The following AUTS2 variants were observed in gnomAD, a reference collection of about 807,000 sequenced individuals.
The protein encoded by AUTS2 is autism susceptibility gene 2 protein.
In AUTS2, 17 loss-of-function variants were observed where a neutral mutation model predicts 112.4. The ratio of observed to expected loss-of-function variants is 0.15; its 90% confidence interval spans 0.10 to 0.23. The LOEUF (loss-of-function observed/expected upper bound fraction) is 0.23. Ranked by LOEUF, AUTS2 falls within the 10% of genes least tolerant of loss-of-function variation. The pLI, the probability that AUTS2 is intolerant of heterozygous loss-of-function variation, is 1.00. For synonymous variants in AUTS2, 751 were observed against 702.7 expected (o/e 1.07, Z -1.09); for missense variants, 1,510 against 1,701.6 (o/e 0.89, Z 1.98).
chr7:69,759,809 A>G (rs1430633043), intron 1 of AUTS2, among the ~76,000 whole-genome samples: 3 of 102,940 alleles, frequency 2.9e-5, no homozygotes, highest in African/African-American at 1.2e-4. Flanking sequence ...ACTCATTTCA[A>G]AGATGGGCGA....
chr7:70,283,297 T>A (rs549004015), intron 4 of AUTS2, among the ~76,000 whole-genome samples: 1 of 152,342 alleles, frequency 6.6e-6, no homozygotes, highest in African/African-American at 2.4e-5. Context: ...CTGATTTATC[T>A]GTGCTTCTCT....
At chr7:70,605,137 A>G (rs1803663867) in intron 5 of AUTS2, among the ~76,000 whole-genome samples, 1 of 148,332 alleles carries the variant, frequency 6.7e-6, no homozygotes, top group Admixed American at 6.7e-5. Context: ...AGAATTCAGT[A>G]TAACATTTTC....
chr7:70,439,776 A>G lies in AUTS2; in HGVS notation c.690+3995A>G, dbSNP rs138678704. ...TTGCCAAATATTTGGCCTATATTTT[A>G]TTGTTTCCTTTCTTTCTCCAGTACT... On this transcript the variant is annotated intron_variant, in intron 5 of 18. Coordinates refer to ENST00000342771, the MANE Select transcript of AUTS2 (RefSeq NM_015570.4). 1.4e-3 allele frequency among the ~76,000 whole-genome samples: 212 copies of G among 152,266 alleles called. 1 individual carries two copies. The highest frequency in any genetic ancestry group is 4.8e-3 in the African/African-American group (200 of 41,556).
chr7:70,326,931 T>TTC (rs1327304260), intron 4 of AUTS2, among the ~76,000 whole-genome samples: 1 of 149,978 alleles, frequency 6.7e-6, no homozygotes, highest in Non-Finnish European at 1.5e-5. Flanking sequence ...TTTTTTTTTT[T>TTC]TTTTGTGACG....
chr7:70,168,355 C>T lies in AUTS2; in HGVS notation c.660+33784C>T, dbSNP rs567955245. Reference sequence around the variant, plus strand: ...CCTGGGTAGGAAGCATTAGGGCAGACGCCCAGGCTGGAATGCAGTGGCGTG... The same window carrying T: ...CCTGGGTAGGAAGCATTAGGGCAGATGCCCAGGCTGGAATGCAGTGGCGTG... On this transcript the variant is annotated intron_variant, in intron 4 of 18. Transcript: ENST00000342771. Among the ~76,000 whole-genome samples the T allele has an allele frequency of 7.6e-4, 115 of 152,194 alleles. 1 individual carries two copies. Among genetic ancestry groups the T allele is most frequent in the Non-Finnish European group, 1.0e-3 (71 of 68,038 alleles).
intron 3 of AUTS2, among the ~76,000 whole-genome samples, chr7:70,121,965 G>A (rs1243391001): frequency 1.3e-5 from 2 of 152,134 alleles, no homozygotes; most frequent in African/African-American, 2.4e-5. Context: ...TAAACAAAAT[G>A]TGACAGCTTG....
At chr7:70,534,491 A>G (rs1800230480) in intron 5 of AUTS2, among the ~76,000 whole-genome samples, 1 of 152,112 alleles carries the variant, frequency 6.6e-6, no homozygotes, top group Admixed American at 6.5e-5. Context: ...CAGTGGCACA[A>G]TCTCAGCTCA....
At chr7:70,571,677 G>A (rs777415877) in intron 5 of AUTS2, among the ~76,000 whole-genome samples, 1 of 152,206 alleles carries the variant, frequency 6.6e-6, no homozygotes, top group Non-Finnish European at 1.5e-5. Flanking sequence ...CTTCAAACTG[G>A]AGCTGGGAAA....
chr7:69,766,219 CTAGTT>C (rs1788414034), intron 1 of AUTS2, among the ~76,000 whole-genome samples: 2 of 152,110 alleles, frequency 1.3e-5, no homozygotes, highest in African/African-American at 4.8e-5. Flanking sequence ...CTTTTTGTGA[CTAGTT>C]TATTTTACTT....
chr7:70,618,374 T>C (rs1804490458), intron 5 of AUTS2, among the ~76,000 whole-genome samples: 1 of 152,210 alleles, frequency 6.6e-6, no homozygotes, highest in South Asian at 2.1e-4. Context: ...AAGGCAGCCC[T>C]GGCCCCTCTC....
intron 4 of AUTS2, among the ~76,000 whole-genome samples, chr7:70,389,811 A>G (rs778161613): frequency 3.3e-5 from 5 of 152,202 alleles, no homozygotes; most frequent in Non-Finnish European, 5.9e-5. Flanking sequence ...GGCTGGTACC[A>G]GTGAAAGACT....
chr7:70,410,327 A>G (rs1794717681), intron 4 of AUTS2, among the ~76,000 whole-genome samples: 1 of 152,186 alleles, frequency 6.6e-6, no homozygotes, highest in Non-Finnish European at 1.5e-5. Flanking sequence ...CCTCACAGTC[A>G]TAAGTTGAAC....
intron 2 of AUTS2, among the ~76,000 whole-genome samples, chr7:69,912,939 G>A (rs1795424063): frequency 6.6e-6 from 1 of 152,168 alleles, no homozygotes; most frequent in Non-Finnish European, 1.5e-5. Flanking sequence ...TTGTACTCTG[G>A]TTTAAAAAAT....
chr7:70,559,029 G>A (rs1401935628), intron 5 of AUTS2, among the ~76,000 whole-genome samples: 1 of 152,186 alleles, frequency 6.6e-6, no homozygotes, highest in Non-Finnish European at 1.5e-5. Context: ...GGAGGTAATT[G>A]AATCACAGGG....
At chr7:69,613,843 A>C (rs1391504475) in intron 1 of AUTS2, among the ~76,000 whole-genome samples, 1 of 152,138 alleles carries the variant, frequency 6.6e-6, no homozygotes, top group Admixed American at 6.6e-5. Context: ...GACCACACTA[A>C]ATAGCTCTTT....
chr7:70,751,620 C>G (rs1279708523), intron 6 of AUTS2, among the ~76,000 whole-genome samples: 1 of 152,150 alleles, frequency 6.6e-6, no homozygotes, highest in Admixed American at 6.5e-5. Flanking sequence ...CTGTGTGGTG[C>G]AAATCCATAC....
intron 6 of AUTS2, among the ~76,000 whole-genome samples, chr7:70,758,228 C>A (rs1015970757): frequency 1.3e-5 from 2 of 152,096 alleles, no homozygotes; most frequent in Non-Finnish European, 1.5e-5. Flanking sequence ...TGCAAACATA[C>A]GTAACCAGTC....
At chr7:70,446,221 C>T (rs1225570893) in intron 5 of AUTS2, among the ~76,000 whole-genome samples, 1 of 152,236 alleles carries the variant, frequency 6.6e-6, no homozygotes, top group African/African-American at 2.4e-5. Flanking sequence ...GCTGCGTGGG[C>T]TGTTCCTGCA....
chr7:69,940,833 T>C (rs1259979204), intron 2 of AUTS2, among the ~76,000 whole-genome samples: 3 of 152,220 alleles, frequency 2.0e-5, no homozygotes, highest in African/African-American at 7.2e-5. Flanking sequence ...AGGATGCAGA[T>C]AATAGGAGTT....
Sources: allele counts gnomAD v4.1 joint callset (sites outside exome capture counted in the v4.1 genomes callset), GRCh38; gene constraint gnomAD v4.1.1; transcripts MANE v1.5; gene names NCBI Gene and HGNC (gene_info 2026-07-23, HGNC 2026-07-21).